The following CEP95 variants were observed in gnomAD, a reference collection of about 807,000 sequenced individuals.
The protein encoded by CEP95 is centrosomal protein 95, also known as centrosomal protein of 95 kDa.
A neutral mutation model predicts 111.2 loss-of-function variants in CEP95; 98 were observed. That is an observed-to-expected ratio of 0.88 (90% CI 0.75 to 1.04). The LOEUF (loss-of-function observed/expected upper bound fraction) is 1.04, where lower values mean the gene tolerates loss of function less well. Among genes scored for constraint, CEP95 ranks in the 50% least tolerant of loss-of-function variants. CEP95 has a pLI of 0.00. For missense variants in CEP95, 1,027 were observed against 977.2 expected (o/e 1.05, Z -0.68); for synonymous variants, 323 against 327.1 (o/e 0.99, Z 0.14).
In CEP95 at chr17:64,510,212, A is replaced by G. The variant is rs2038821177; in HGVS notation, c.188A>G (p.His63Arg). 3 of 1,611,728 alleles carry G rather than the reference A, an allele frequency of 1.9e-6. No individual in the cohort carries two copies. The highest frequency in any genetic ancestry group is 2.2e-5 in the East Asian group (1 of 44,870). ...CCTAGGAGTCAAGAAGATGATGCAC[A>G]CAATGTACAAGCAGTAATTGATTCA... ...VIPRSQEDDA[H>R]NVQAVIDSLA... The change falls in exon 3 of 20, where the codon CAC becomes CGC. Residue 63 changes from histidine to arginine, a missense_variant. His to Arg is a conservative substitution (Grantham distance 29). Coordinates refer to ENST00000556440, the MANE Select transcript of CEP95 (RefSeq NM_138363.3).
intron 3 of CEP95, among the ~76,000 whole-genome samples, chr17:64,512,040 A>G (rs2038925200): frequency 6.6e-6 from 1 of 152,234 alleles, no homozygotes; most frequent in Non-Finnish European, 1.5e-5. Flanking sequence ...ATAAATCATG[A>G]TAGCTGCATA....
intron 12 of CEP95, among the ~76,000 whole-genome samples, chr17:64,530,484 G>C (rs1238048882): frequency 6.7e-6 from 1 of 149,576 alleles, no homozygotes; most frequent in Non-Finnish European, 1.5e-5. Context: ...GGTATCCTAG[G>C]TGAATTTTTT....
At chr17:64,509,783 T>A (rs901357800) in intron 2 of CEP95, among the ~76,000 whole-genome samples, 2 of 152,194 alleles carry the variant, frequency 1.3e-5, no homozygotes, top group East Asian at 1.9e-4. Context: ...CCCATAGTTA[T>A]GGGTTAAAGT....
chr17:64,537,635 T>TAAGA lies in CEP95; in HGVS notation c.2323_2326dup (p.Met776LysfsTer17), dbSNP rs1968746897. Reference sequence around the variant, plus strand: ...ATAAGGTGAAGAGGGAGCTGAGATCTAAGATGGAGAAGGAAATTCAGCAGC... The same window carrying TAAGA: ...ATAAGGTGAAGAGGGAGCTGAGATCTAAGAAAGATGGAGAAGGAAATTCAGCAGC... On this transcript the variant is annotated frameshift_variant, in exon 20 of 20. Coordinates refer to ENST00000556440, the MANE Select transcript of CEP95 (RefSeq NM_138363.3). LOFTEE classifies it high-confidence loss of function. 18 of 1,611,228 alleles carry TAAGA rather than the reference T, an allele frequency of 1.1e-5. No homozygotes were observed. Among genetic ancestry groups the TAAGA allele is most frequent in the Admixed American group, 5.0e-5 (3 of 59,826 alleles).
In CEP95 at chr17:64,533,148, T is replaced by C; in HGVS notation, c.1874T>C (p.Leu625Pro). The C allele has an allele frequency of 6.3e-7, 1 of 1,595,502 alleles. No homozygotes were observed. Reference sequence around the variant, plus strand: ...GAAGCCCTAAGAAGGCATGACCTCCTTACTACCCTTGTCAAGAAAGAATAT... The same window carrying C: ...GAAGCCCTAAGAAGGCATGACCTCCCTACTACCCTTGTCAAGAAAGAATAT... ...IEEALRRHDL[L>P]TTLVKKEYEH... The change falls in exon 16 of 20, where the codon CTT becomes CCT. Residue 625 changes from leucine (L) to proline (P), a missense_variant. Transcript: ENST00000556440.
intron 4 of CEP95, chr17:64,514,834 T>C: frequency 5.8e-6 from 1 of 170,968 alleles, no homozygotes; most frequent in Non-Finnish European, 1.2e-5. Context: ...GTCTTAATAA[T>C]TTGAGATTAA....
At chr17:64,508,922 G>A (rs1204590867) in intron 2 of CEP95, among the ~76,000 whole-genome samples, 1 of 150,994 alleles carries the variant, frequency 6.6e-6, no homozygotes, top group African/African-American at 2.4e-5. Context: ...ATCACATATT[G>A]TATAATTATA....
At chr17:64,507,965 A>G in intron 1 of CEP95, 2 of 985,454 alleles carry the variant, frequency 2.0e-6, no homozygotes, top group South Asian at 4.7e-5. Context: ...GGAAACGTCA[A>G]CAGTATTGAT....
intron 5 of CEP95, among the ~76,000 whole-genome samples, chr17:64,517,809 T>C (rs1555676725): frequency 6.6e-6 from 1 of 151,432 alleles, no homozygotes; most frequent in East Asian, 1.9e-4. Context: ...GCTGGGATTA[T>C]AGGCATGACC....
chr17:64,537,000 A>C, intron 18 of CEP95, 41 bp from the exon 19 acceptor site: 3 of 1,541,652 alleles, frequency 1.9e-6, no homozygotes, highest in Non-Finnish European at 2.6e-6. Flanking sequence ...TGGACTACAA[A>C]CATTAAATAT....
intron 4 of CEP95, chr17:64,516,061 ATAATAAATGT>A (rs782039159): frequency 6.6e-6 from 1 of 152,230 alleles, no homozygotes; most frequent in Non-Finnish European, 1.5e-5. Flanking sequence ...GAGTAAATGC[ATAATAAATGT>A]TAATTGATGT....
At chr17:64,535,110 G>T in intron 17 of CEP95, 1 of 232,704 alleles carries the variant, frequency 4.3e-6, no homozygotes, top group Non-Finnish European at 8.6e-6. Context: ...GTGCTGTGAG[G>T]GGTTTTCCAC....
intron 4 of CEP95, among the ~76,000 whole-genome samples, chr17:64,515,096 T>C (rs2039071172): frequency 6.6e-6 from 1 of 152,232 alleles, no homozygotes; most frequent in Non-Finnish European, 1.5e-5. Context: ...GTTACTAAAC[T>C]GTTTAAAAAC....
Position 64,522,597 on chromosome 17 carries a change from T to C in CEP95, c.716-105T>C, listed in dbSNP as rs1344087880. ...TGCTTTGTCTTAAGTTTAAAAAATA[T>C]TTCTAATGTATGTGAACATGTTTAT... is the stretch of plus-strand genomic sequence containing the variant. On this transcript the variant is annotated intron_variant, in intron 7 of 19. Coordinates refer to ENST00000556440, the MANE Select transcript of CEP95 (RefSeq NM_138363.3). The C allele has an allele frequency of 8.7e-6, 6 of 689,322 alleles. No individual in the cohort carries two copies. The East Asian group carries it at 1.1e-4, about 13-fold the overall frequency. The allele number at this position is 689,322 out of a possible 1,614,324, so 42.7% of individuals were successfully genotyped here. A position where few individuals can be genotyped will look rare whatever the true frequency, so the allele number is the denominator to read the frequency against.
Position 64,536,692 on chromosome 17 carries a change from C to G in CEP95, c.2161C>G (p.Gln721Glu). The G allele has an allele frequency of 6.2e-7, 1 of 1,613,100 alleles. No individual in the cohort carries two copies. Among genetic ancestry groups the G allele is most frequent in the Non-Finnish European group, 8.5e-7 (1 of 1,179,586 alleles). The change falls in exon 18 of 20, where the codon CAA becomes GAA. Residue 721 changes from glutamine to glutamate, a missense_variant. Coordinates refer to ENST00000556440, the MANE Select transcript of CEP95 (RefSeq NM_138363.3). ...RNYAKEKRDE[Q>E]RRRHQDELDS... ...CTATGCCAAAGAAAAGCGAGATGAA[C>G]AAAGGAGACGCCACCAGGATGAACT...
rs1338850679 is a variant in CEP95 at position 64,514,285 on chromosome 17, G to C, written c.294G>C (p.Lys98Asn). Residue 98 changes from lysine (K) to asparagine (N), a missense_variant, in exon 4 of 20, where the codon AAG becomes AAC. Lys to Asn is a moderately conservative substitution (Grantham distance 94). Coordinates refer to ENST00000556440, the MANE Select transcript of CEP95 (RefSeq NM_138363.3). ...NIVKGDKESI[K>N]NLLEIFDGLL... is the part of the protein sequence containing the mutation. ...TGAAAGGAGATAAAGAATCTATTAA[G>C]AATCTCCTGGAAATATTTGATGGTT... 6.7e-7 allele frequency: 1 copy of C among 1,489,872 alleles called. No individual in the cohort carries two copies. The highest frequency in any genetic ancestry group is 1.2e-5 in the South Asian group (1 of 82,248). 92.3% of individuals were successfully genotyped at this position (1,489,872 alleles called of 1,614,324 possible). A position where few individuals can be genotyped will look rare whatever the true frequency, so the allele number is the denominator to read the frequency against.
In CEP95 at chr17:64,525,815, A is replaced by G. The variant is rs1967769351; in HGVS notation, c.955A>G (p.Ser319Gly). ...LFLISKLPKG[S>G]KWEVYPAQVQ... is the part of the protein sequence containing the mutation. ...CTTAATTTCCAAGTTGCCTAAAGGC[A>G]GCAAATGGGAAGTATATCCAGCTCA... Residue 319 changes from serine to glycine, a missense_variant, in exon 9 of 20, where the codon AGC becomes GGC. Coordinates refer to ENST00000556440, the MANE Select transcript of CEP95 (RefSeq NM_138363.3). The G allele has an allele frequency of 5.6e-6, 9 of 1,606,568 alleles. No individual in the cohort carries two copies. The highest frequency in any genetic ancestry group is 5.9e-6 in the Non-Finnish European group (7 of 1,177,850).
At chr17:64,509,949 C>G (rs963709998) in intron 2 of CEP95, among the ~76,000 whole-genome samples, 1 of 151,934 alleles carries the variant, frequency 6.6e-6, no homozygotes, top group African/African-American at 2.4e-5. Flanking sequence ...CCGTATTCAA[C>G]CAGTCTAATA....
intron 1 of CEP95, 173 bp downstream of exon 1, chr17:64,507,289 C>G (rs1555673264): frequency 5.3e-5 from 78 of 1,468,190 alleles, no homozygotes; most frequent in Non-Finnish European, 6.6e-5. Context: ...CACCTCTTCG[C>G]TTCGAGGCCG....
Sources: allele counts gnomAD v4.1 joint callset (sites outside exome capture counted in the v4.1 genomes callset), GRCh38; gene constraint gnomAD v4.1.1; transcripts MANE v1.5; gene names NCBI Gene and HGNC (gene_info 2026-07-23, HGNC 2026-07-21).